DLG2: variants seen among roughly 807,000 people sequenced by gnomAD.
DLG2 encodes the protein disks large homolog 2.
DLG2 carries 45 observed loss-of-function variants against 132.5 expected under a neutral mutation model. The ratio of observed to expected loss-of-function variants is 0.34; its 90% CI spans 0.27 to 0.44. The LOEUF is 0.44. Among genes scored for constraint, DLG2 ranks in the 20% least tolerant of loss-of-function variants. DLG2 has a pLI of 1.00. For missense variants in DLG2, 1,045 were observed against 1,196.9 expected (o/e 0.87, Z 1.87); for synonymous variants, 424 against 419.6 (o/e 1.01, Z -0.13).
intron 9 of DLG2, among the ~76,000 whole-genome samples, chr11:84,131,453 T>G (rs149241835): frequency 6.6e-6 from 1 of 152,140 alleles, no homozygotes; most frequent in Admixed American, 6.6e-5. Context: ...TGGTATCTAT[T>G]TTTTCGTGTT....
At chr11:85,150,180 C>T (rs1004553649) in intron 5 of DLG2, among the ~76,000 whole-genome samples, 3 of 151,664 alleles carry the variant, frequency 2.0e-5, no homozygotes, top group African/African-American at 2.4e-5. Context: ...CCACTATGCT[C>T]GGCTAATTTT....
In DLG2 at chr11:83,755,604, A is replaced by G. The variant is rs922304407; in HGVS notation, c.1825+31086T>C. Reference sequence around the variant, plus strand: ...AGTCATTGATTAGATAGAGTAATGGACACACATTATGATCTATAGTGTTAA... The same window carrying G: ...AGTCATTGATTAGATAGAGTAATGGGCACACATTATGATCTATAGTGTTAA... On this transcript the variant is annotated intron_variant, in intron 18 of 27. Transcript: ENST00000376104. Among the ~76,000 whole-genome samples, 19 of 151,408 alleles carry G rather than the reference A, an allele frequency of 1.3e-4. 1 individual carries two copies. The highest frequency in any genetic ancestry group is 4.2e-4 in the African/African-American group (17 of 40,696).
At chr11:83,739,316 A>G (rs1023982952) in intron 18 of DLG2, among the ~76,000 whole-genome samples, 2 of 152,214 alleles carry the variant, frequency 1.3e-5, no homozygotes, top group African/African-American at 4.8e-5. Flanking sequence ...ATAATAAATT[A>G]TGCATTTTTA....
At chr11:85,032,762 G>C (rs1337534337) in intron 6 of DLG2, among the ~76,000 whole-genome samples, 1 of 152,144 alleles carries the variant, frequency 6.6e-6, no homozygotes, top group African/African-American at 2.4e-5. Context: ...AGAAAAACTG[G>C]ATGAAGACTA....
intron 4 of DLG2, among the ~76,000 whole-genome samples, chr11:85,211,272 G>A (rs1004940493): frequency 2.6e-5 from 4 of 152,076 alleles, no homozygotes; most frequent in African/African-American, 9.7e-5. Flanking sequence ...TAGATCAAGG[G>A]TCTAGTGGAA....
intron 6 of DLG2, among the ~76,000 whole-genome samples, chr11:84,787,274 T>C (rs1297319822): frequency 1.3e-5 from 2 of 152,178 alleles, no homozygotes; most frequent in African/African-American, 4.8e-5. Flanking sequence ...TCTTTTCTTC[T>C]GCTTAGTGTC....
At chr11:84,306,139 T>A (rs186180086) in intron 7 of DLG2, among the ~76,000 whole-genome samples, 5 of 149,430 alleles carry the variant, frequency 3.3e-5, no homozygotes, top group Admixed American at 1.3e-4. Context: ...TCACACGTTT[T>A]TTTCACATGA....
intron 4 of DLG2, among the ~76,000 whole-genome samples, chr11:85,266,502 T>C (rs1384962387): frequency 6.6e-6 from 1 of 152,090 alleles, no homozygotes; most frequent in East Asian, 1.9e-4. Context: ...GAGAAGTACC[T>C]AATGTAGATA....
In DLG2 at chr11:85,154,667, A is replaced by T; in HGVS notation, c.187-16T>A. On this transcript the variant is annotated splice_polypyrimidine_tract_variant and intron_variant, in intron 4 of 27. Transcript: ENST00000376104. ...AATCTGTAAGCTAAAATAAAAGTTT[A>T]AAAAATCAATACTCCTTTTTTATTT... 1 of 1,266,474 alleles carries T rather than the reference A, an allele frequency of 7.9e-7. No homozygotes were observed. The highest frequency in any genetic ancestry group is 1.1e-6 in the Non-Finnish European group (1 of 899,878). 78.5% of individuals were successfully genotyped at this position (1,266,474 alleles called of 1,614,324 possible).
chr11:84,274,440 T>C (rs926457745), intron 7 of DLG2, among the ~76,000 whole-genome samples: 1 of 152,032 alleles, frequency 6.6e-6, no homozygotes, highest in African/African-American at 2.4e-5. Flanking sequence ...ACCTAGAAAA[T>C]CCAAGGAAGA....
chr11:84,752,718 C>G (rs1343979996), intron 6 of DLG2, among the ~76,000 whole-genome samples: 2 of 106,924 alleles, frequency 1.9e-5, no homozygotes, highest in East Asian at 3.3e-4. Context: ...TCCCTCCCCC[C>G]TCCCCCCACC....
At chr11:84,575,993 T>C (rs575746494) in intron 6 of DLG2, among the ~76,000 whole-genome samples, 14 of 152,328 alleles carry the variant, frequency 9.2e-5, no homozygotes, top group Admixed American at 4.6e-4. Flanking sequence ...ACTTTGAACC[T>C]GGCTGTTTCC....
At chr11:84,390,636 T>G (rs2098789429) in intron 7 of DLG2, among the ~76,000 whole-genome samples, 2 of 152,142 alleles carry the variant, frequency 1.3e-5, no homozygotes, top group Admixed American at 6.6e-5. Flanking sequence ...GGGGGAGCAC[T>G]TGGATAAATT....
At chr11:85,477,379 G>C (rs1490380954) in intron 3 of DLG2, among the ~76,000 whole-genome samples, 1 of 152,150 alleles carries the variant, frequency 6.6e-6, no homozygotes, top group African/African-American at 2.4e-5. Flanking sequence ...GTGACTTGAA[G>C]GTAGAGAAGG....
Position 85,106,765 on chromosome 11 carries a change from C to T in DLG2, c.357+4896G>A, listed in dbSNP as rs569390096. Among the ~76,000 whole-genome samples the T allele has an allele frequency of 5.9e-5, 9 of 152,096 alleles. No homozygotes were observed. The East Asian group carries it at 1.4e-3, about 23-fold the overall frequency. On this transcript the variant is annotated intron_variant, in intron 6 of 27. Coordinates refer to ENST00000376104, the MANE Select transcript of DLG2 (RefSeq NM_001142699.3). ...TTACTAGTAGAAGAGTAATACTTTA[C>T]TCTTTCCACTTACTAGTGGAAGAGT... is the stretch of plus-strand genomic sequence containing the variant.
intron 6 of DLG2, among the ~76,000 whole-genome samples, chr11:84,859,745 T>C (rs1333061397): frequency 6.6e-6 from 1 of 151,830 alleles, no homozygotes; most frequent in Non-Finnish European, 1.5e-5. Context: ...CTCTGATCTC[T>C]TCATTTTCCT....
chr11:85,000,557 G>A (rs2058118849), intron 6 of DLG2, among the ~76,000 whole-genome samples: 1 of 152,154 alleles, frequency 6.6e-6, no homozygotes, highest in Non-Finnish European at 1.5e-5. Flanking sequence ...TGGATTTGGT[G>A]AATTAGGGAA....
At chr11:85,163,724 T>G (rs1316848180) in intron 4 of DLG2, among the ~76,000 whole-genome samples, 1 of 152,204 alleles carries the variant, frequency 6.6e-6, no homozygotes, top group Non-Finnish European at 1.5e-5. Flanking sequence ...ATTGAAAATA[T>G]GGAGATAGTG....
intron 7 of DLG2, among the ~76,000 whole-genome samples, chr11:84,359,792 T>C (rs2098638969): frequency 6.6e-6 from 1 of 151,906 alleles, no homozygotes; most frequent in South Asian, 2.1e-4. Flanking sequence ...AGATAATAGA[T>C]CATCCTACTA....
Sources: allele counts gnomAD v4.1 joint callset (sites outside exome capture counted in the v4.1 genomes callset), GRCh38; gene constraint gnomAD v4.1.1; transcripts MANE v1.5; gene names NCBI Gene and HGNC (gene_info 2026-07-23, HGNC 2026-07-21).